Variants in NHERF4 observed in about 807,000 individuals in gnomAD.
The protein encoded by NHERF4 is Na(+)/H(+) exchange regulatory cofactor NHE-RF4.
At chr11:119,187,979 G>C in the NHERF4 span, 1 of 1,574,734 alleles carries the variant, frequency 6.4e-7, no homozygotes, top group South Asian at 1.2e-5. Flanking sequence ...GCTGGTGGCA[G>C]GGCCAGAGGT....
the NHERF4 span, chr11:119,190,175 AAAG>A: frequency 2.0e-6 from 2 of 1,016,722 alleles, no homozygotes; most frequent in South Asian, 2.0e-5. This position sits in a 1 kb window ranked among gnomAD's most constrained non-coding sequence, Gnocchi z 4.2. Flanking sequence ...AAAAACAAAA[AAAG>A]AAGAAAACTA....
At chr11:119,186,025 C>T in the NHERF4 span, 2 of 1,611,868 alleles carry the variant, frequency 1.2e-6, no homozygotes, top group East Asian at 2.2e-5. This position sits in a 1 kb window ranked among gnomAD's most constrained non-coding sequence, Gnocchi z 4.4. Flanking sequence ...GCCATTAGCA[C>T]CTAAAGGAGA....
the NHERF4 span, chr11:119,187,372 C>G: frequency 6.2e-7 from 1 of 1,614,018 alleles, no homozygotes; most frequent in Non-Finnish European, 8.5e-7. Context: ...AGATGCCCAC[C>G]TCTGTCCCAC....
At chr11:119,186,567 C>T in the NHERF4 span, 3 of 1,614,032 alleles carry the variant, frequency 1.9e-6, no homozygotes, top group Non-Finnish European at 2.5e-6. The surrounding 1 kb of genome is among the most constrained non-coding windows in gnomAD (Gnocchi z 4.4). Flanking sequence ...AGGAGCTGGG[C>T]AGGGCTGGGC....
the NHERF4 span, among the ~76,000 whole-genome samples, chr11:119,187,070 G>A: frequency 2.0e-5 from 3 of 151,624 alleles, no homozygotes; most frequent in Non-Finnish European, 4.4e-5. Context: ...AACATGGGAG[G>A]CGGAGGTTGC....
the NHERF4 span, chr11:119,188,912 G>A: frequency 6.2e-7 from 1 of 1,611,178 alleles, no homozygotes; most frequent in Admixed American, 1.7e-5. Flanking sequence ...ATCCTTTGCT[G>A]CCTGATCGGT....
the NHERF4 span, chr11:119,186,375 G>A: frequency 2.6e-5 from 41 of 1,559,888 alleles, no homozygotes; most frequent in Non-Finnish European, 3.5e-5. This position sits in a 1 kb window ranked among gnomAD's most constrained non-coding sequence, Gnocchi z 4.4. Context: ...GGCAGAAACT[G>A]CCCAGCACCC....
At chr11:119,187,786 C>T in the NHERF4 span, 13 of 1,460,332 alleles carry the variant, frequency 8.9e-6, no homozygotes, top group Non-Finnish European at 1.2e-5. Context: ...ATGCGCCTAA[C>T]CTCCTTATCT....
chr11:119,186,300 G>T, the NHERF4 span: 3 of 1,594,264 alleles, frequency 1.9e-6, no homozygotes, highest in South Asian at 3.3e-5. The surrounding 1 kb of genome is among the most constrained non-coding windows in gnomAD (Gnocchi z 4.4). Flanking sequence ...GAGATAGGAG[G>T]GGCCGGGTGT....
the NHERF4 span, chr11:119,190,043 G>T: frequency 2.2e-6 from 1 of 463,706 alleles, no homozygotes; most frequent in Non-Finnish European, 3.8e-6. This position sits in a 1 kb window ranked among gnomAD's most constrained non-coding sequence, Gnocchi z 4.2. Context: ...TGCGGCTCCT[G>T]CAGGAGAGAG....
the NHERF4 span, chr11:119,185,568 T>G: frequency 1.3e-6 from 2 of 1,537,040 alleles, no homozygotes; most frequent in East Asian, 4.5e-5. Context: ...GGGGCCGACT[T>G]GGAGGCTGAA....
At chr11:119,187,485 G>A in the NHERF4 span, 10 of 1,613,396 alleles carry the variant, frequency 6.2e-6, no homozygotes, top group East Asian at 6.7e-5. Context: ...GCGAGGGGGC[G>A]GCAAGGATGA....
the NHERF4 span, chr11:119,186,027 TA>T: frequency 6.2e-7 from 1 of 1,612,002 alleles, no homozygotes; most frequent in South Asian, 1.1e-5. The surrounding 1 kb of genome is among the most constrained non-coding windows in gnomAD (Gnocchi z 4.4). Context: ...CATTAGCACC[TA>T]AAGGAGATCC....
At chr11:119,187,799 T>C in the NHERF4 span, 3 of 1,457,192 alleles carry the variant, frequency 2.1e-6, no homozygotes, top group Non-Finnish European at 2.7e-6. Flanking sequence ...CCTTATCTGG[T>C]CTCCTACCTT....
At chr11:119,189,659 AGC>A in the NHERF4 span, 1 of 739,208 alleles carries the variant, frequency 1.4e-6, no homozygotes, top group South Asian at 1.6e-5. The surrounding 1 kb of genome is among the most constrained non-coding windows in gnomAD (Gnocchi z 5.8). Flanking sequence ...CCCACCTGCC[AGC>A]AGAGGGTGTG....
At chr11:119,189,261 GAGAA>G in the NHERF4 span, 1 of 1,554,972 alleles carries the variant, frequency 6.4e-7, no homozygotes, top group Non-Finnish European at 8.7e-7. This position sits in a 1 kb window ranked among gnomAD's most constrained non-coding sequence, Gnocchi z 5.8. Flanking sequence ...AGGGAGGAGT[GAGAA>G]AGAAGGGCAG....
chr11:119,189,888 T>C, the NHERF4 span: 2 of 338,462 alleles, frequency 5.9e-6, no homozygotes, highest in Non-Finnish European at 1.1e-5. This position sits in a 1 kb window ranked among gnomAD's most constrained non-coding sequence, Gnocchi z 5.8. Flanking sequence ...TGCCTTAGCA[T>C]TGCGGGAGGG....
the NHERF4 span, chr11:119,185,824 TG>T: frequency 6.6e-7 from 1 of 1,518,214 alleles, no homozygotes; most frequent in Non-Finnish European, 9.1e-7. Flanking sequence ...GCCCTGAGTT[TG>T]GGGGTTTCCC....
the NHERF4 span, chr11:119,188,203 G>A: frequency 5.3e-5 from 80 of 1,520,832 alleles, no homozygotes; most frequent in South Asian, 6.4e-5. Context: ...GCACACAAGC[G>A]TATATACACC....
Sources: gnomAD v4.1 joint callset for allele counts (sites outside exome capture counted in the v4.1 genomes callset) on GRCh38, gnomAD v4.1.1 for gene constraint, Gnocchi (gnomAD v3.1) non-coding constraint, MANE v1.5 for transcripts, NCBI Gene and HGNC (gene_info 2026-07-23, HGNC 2026-07-21) for gene names.